OPRM1: variants seen among roughly 807,000 people sequenced by gnomAD.
The protein encoded by OPRM1 is mu-type opioid receptor.
Under a neutral mutation model 31.8 loss-of-function variants are expected in OPRM1, and 27 were observed. That is an observed-to-expected ratio of 0.85 (90% CI 0.63 to 1.17). The LOEUF is 1.17. Among genes scored for constraint, OPRM1 ranks in the 50% most tolerant of loss-of-function variants. OPRM1 has a pLI of 0.00. For missense variants in OPRM1, 536 were observed against 511.1 expected (o/e 1.05, Z -0.47); for synonymous variants, 196 against 189.9 (o/e 1.03, Z -0.26).
intron 1 of OPRM1, among the ~76,000 whole-genome samples, chr6:154,073,350 G>T (rs1787198482): frequency 6.6e-6 from 1 of 152,112 alleles, no homozygotes; most frequent in African/African-American, 2.4e-5. Context: ...GGCTATACCT[G>T]GGAAACTAGC....
At chr6:154,067,630 G>T (rs573302276) in intron 1 of OPRM1, among the ~76,000 whole-genome samples, 2 of 152,060 alleles carry the variant, frequency 1.3e-5, no homozygotes, top group African/African-American at 4.8e-5. Context: ...GTTTTCTGTT[G>T]TTGTTGGGTA....
rs539738351 is a variant in OPRM1, at chr6:154,178,008, A to G, written c.1165-68685A>G. ...TTTATAGGGACATGGATGAAGCTGGAAACCATCATTCTCAGCAAAATATCA... is the reference window on the plus strand; with the variant it reads ...TTTATAGGGACATGGATGAAGCTGGGAACCATCATTCTCAGCAAAATATCA... On this transcript the variant is annotated intron_variant, in intron 3 of 3. Coordinates refer to the OPRM1 transcript ENST00000337049. Among the ~76,000 whole-genome samples, 631 of 152,320 alleles carry G rather than the reference A, an allele frequency of 4.1e-3. 6 individuals carry two copies. The highest frequency in any genetic ancestry group is 0.014 in the African/African-American group (598 of 41,554).
chr6:154,134,117 G>T (rs191562731), downstream of OPRM1, among the ~76,000 whole-genome samples: 1 of 152,316 alleles, frequency 6.6e-6, no homozygotes, highest in African/African-American at 2.4e-5. Context: ...GAAGTCAGAT[G>T]ATTAGATTTG....
At chr6:154,014,679 T>G (rs751888467) in intron 1 of OPRM1, among the ~76,000 whole-genome samples, 1 of 152,198 alleles carries the variant, frequency 6.6e-6, no homozygotes, top group African/African-American at 2.4e-5. Context: ...CTTTCATTTA[T>G]GTGGTATATG....
At chr6:154,193,784 A>G (rs933093946) in intron 3 of OPRM1, among the ~76,000 whole-genome samples, 1 of 152,228 alleles carries the variant, frequency 6.6e-6, no homozygotes, top group Non-Finnish European at 1.5e-5. Context: ...CTTTGGCTCA[A>G]AGCCACATTA....
chr6:154,010,695 G>A, exon 1 of OPRM1: 1 of 1,444,914 alleles, frequency 6.9e-7, no homozygotes, highest in Non-Finnish European at 9.1e-7. Context: ...AGCCGGGTCA[G>A]ACAGGCTTCT....
chr6:154,064,185 A>C (rs1784920513), intron 1 of OPRM1, among the ~76,000 whole-genome samples: 1 of 152,118 alleles, frequency 6.6e-6, no homozygotes, highest in Non-Finnish European at 1.5e-5. Context: ...GAATGTGAGG[A>C]GGTGTCTCAC....
At chr6:154,065,741 G>A (rs1262678489) in intron 1 of OPRM1, among the ~76,000 whole-genome samples, 1 of 151,278 alleles carries the variant, frequency 6.6e-6, no homozygotes, top group Non-Finnish European at 1.5e-5. Context: ...TTCTAATTTA[G>A]GTGTATTTTT....
chr6:154,061,551 G>A lies in OPRM1; in HGVS notation c.290+21717G>A, dbSNP rs116809091. On this transcript the variant is annotated intron_variant, in intron 1 of 3. Transcript: ENST00000330432. ...GGATGCAGCTGGAGGCTATTCTTCT[G>A]AGGCAATGTATGCAGGAACAGAAAA... Among the ~76,000 whole-genome samples, 119 of 152,162 alleles carry A rather than the reference G, an allele frequency of 7.8e-4. 1 individual carries two copies. Among genetic ancestry groups the A allele is most frequent in the African/African-American group, 2.5e-3 (105 of 41,534 alleles).
At chr6:154,081,954 C>G (rs1429227562) in intron 1 of OPRM1, among the ~76,000 whole-genome samples, 1 of 152,170 alleles carries the variant, frequency 6.6e-6, no homozygotes, top group Admixed American at 6.5e-5. Flanking sequence ...AACTAGCAAG[C>G]AATAGTTCCT....
At chr6:154,071,897 C>G (rs1426863064) in intron 1 of OPRM1, among the ~76,000 whole-genome samples, 2 of 152,086 alleles carry the variant, frequency 1.3e-5, no homozygotes, top group African/African-American at 4.8e-5. Flanking sequence ...ACAAAGTTAA[C>G]TTGTTTTTGT....
chr6:154,013,527 A>T (rs1777842047), intron 1 of OPRM1, among the ~76,000 whole-genome samples: 4 of 152,204 alleles, frequency 2.6e-5, no homozygotes. Context: ...CACATCAAAG[A>T]GTAGAATAAA....
chr6:154,084,914 T>A (rs931060002), intron 1 of OPRM1, among the ~76,000 whole-genome samples: 5 of 122,832 alleles, frequency 4.1e-5, no homozygotes, highest in Admixed American at 2.6e-4. Flanking sequence ...TGATGTGGAA[T>A]TAAACACACA....
chr6:154,186,554 CTTTT>C (rs887854064), intron 3 of OPRM1, among the ~76,000 whole-genome samples: 1 of 149,564 alleles, frequency 6.7e-6, no homozygotes, highest in African/African-American at 2.4e-5. Context: ...TCCTTTCTTT[CTTTT>C]TTTCTCTTTT....
chr6:154,030,116 T>C (rs1272993482), intron 1 of OPRM1, among the ~76,000 whole-genome samples: 2 of 143,876 alleles, frequency 1.4e-5, no homozygotes, highest in Non-Finnish European at 2.9e-5. Flanking sequence ...CAATGGTCTA[T>C]CATTAATAAT....
intron 1 of OPRM1, among the ~76,000 whole-genome samples, chr6:154,030,211 C>T (rs562033931): frequency 2.4e-4 from 36 of 152,052 alleles, no homozygotes; most frequent in African/African-American, 3.9e-4. Context: ...TGTGCATTTA[C>T]GTTTAAGAAG....
chr6:154,062,529 A>G (rs1784618495), intron 1 of OPRM1, among the ~76,000 whole-genome samples: 1 of 152,050 alleles, frequency 6.6e-6, no homozygotes, highest in Admixed American at 6.6e-5. Context: ...AGTTTTCCAC[A>G]GGGAAAGGAA....
chr6:154,102,560 TC>T (rs1397639877), intron 3 of OPRM1, among the ~76,000 whole-genome samples: 5 of 152,308 alleles, frequency 3.3e-5, no homozygotes, highest in African/African-American at 1.2e-4. Context: ...CCAAGCCTTC[TC>T]AACCTTGGCG....
downstream of OPRM1, among the ~76,000 whole-genome samples, chr6:154,134,747 C>T (rs536368100): frequency 4.6e-5 from 7 of 152,158 alleles, no homozygotes; most frequent in African/African-American, 1.4e-4. Flanking sequence ...TAGTTCTCTT[C>T]GAGAAACTGG....
Sources: allele counts gnomAD v4.1 joint callset (sites outside exome capture counted in the v4.1 genomes callset), GRCh38; gene constraint gnomAD v4.1.1; transcripts MANE v1.5; gene names NCBI Gene and HGNC (gene_info 2026-07-23, HGNC 2026-07-21).